SMOC2: variants seen among roughly 807,000 people sequenced by gnomAD.
SMOC2 encodes the protein SPARC related modular calcium binding 2.
Under a neutral mutation model 61.4 loss-of-function variants are expected in SMOC2, and 39 were observed. The observed-to-expected ratio is 0.64, with a 90% CI of 0.49 to 0.83. SMOC2 has a LOEUF of 0.83. Ranked by LOEUF, SMOC2 falls within the 40% of genes least tolerant of loss-of-function variation. SMOC2 has a pLI of 0.00. For missense variants in SMOC2, 556 were observed against 592.9 expected (o/e 0.94, Z 0.65); for synonymous variants, 247 against 239.9 (o/e 1.03, Z -0.27).
At chr6:168,653,547 G>A (rs1017877804) in intron 11 of SMOC2, among the ~76,000 whole-genome samples, 3 of 152,140 alleles carry the variant, frequency 2.0e-5, no homozygotes, top group Admixed American at 6.5e-5. Flanking sequence ...GCAAACCTGG[G>A]AACCACTGGA....
chr6:168,538,349 TGGG>T (rs1207541901), intron 4 of SMOC2, among the ~76,000 whole-genome samples: 1 of 48,430 alleles, frequency 2.1e-5, no homozygotes, highest in East Asian at 6.9e-4. Flanking sequence ...TGCTGGAATG[TGGG>T]GAGTGGGGTG....
At chr6:168,469,815 C>G (rs954768718) in intron 1 of SMOC2, among the ~76,000 whole-genome samples, 2 of 152,198 alleles carry the variant, frequency 1.3e-5, no homozygotes, top group African/African-American at 4.8e-5. Context: ...GTTAGGAGTG[C>G]TCCCTCACTG....
At position 168,650,718 on chromosome 6, in the gene SMOC2, C is replaced by T. The variant is rs202245053; in HGVS notation, c.945C>T (p.Ser315=). The change falls in exon 10 of 13, where the codon AGC becomes AGT. Residue 315 remains serine (S), a synonymous_variant. Transcript: ENST00000356284. ...CCAAAAAGCATGAGTTTCTGACCAG[C>T]GTTCTGGACGCGCTGTCCACGGACA... The part of the protein sequence containing the change: ...PGAKKHEFLT[S]VLDALSTDMV... The T allele has an allele frequency of 4.6e-4, 742 of 1,613,690 alleles. 2 individuals are homozygous for T. The highest frequency in any genetic ancestry group is 6.7e-5 in the Admixed American group (4 of 60,020).
chr6:168,567,936 T>C (rs1784579642), intron 7 of SMOC2, among the ~76,000 whole-genome samples: 1 of 151,252 alleles, frequency 6.6e-6, no homozygotes, highest in Non-Finnish European at 1.5e-5. Context: ...GTGTCTCATA[T>C]TAGAATTTAG....
chr6:168,568,984 G>T (rs1300950917), intron 7 of SMOC2, among the ~76,000 whole-genome samples: 6 of 152,132 alleles, frequency 3.9e-5, no homozygotes, highest in African/African-American at 1.4e-4. Flanking sequence ...CCCAATTTTT[G>T]ACAATTATGA....
chr6:168,620,521 G>A (rs1786215917), intron 9 of SMOC2, among the ~76,000 whole-genome samples: 1 of 152,104 alleles, frequency 6.6e-6, no homozygotes, highest in African/African-American at 2.4e-5. Flanking sequence ...TTGGGAAAAT[G>A]GAGACTGATA....
At chr6:168,630,856 G>A (rs1786548444) in intron 9 of SMOC2, among the ~76,000 whole-genome samples, 1 of 152,148 alleles carries the variant, frequency 6.6e-6, no homozygotes. Context: ...GTGCTCCCAG[G>A]CTTATTAGGA....
intron 1 of SMOC2, among the ~76,000 whole-genome samples, chr6:168,488,065 G>A (rs1562552125): frequency 6.6e-6 from 1 of 152,182 alleles, no homozygotes; most frequent in Non-Finnish European, 1.5e-5. Context: ...AGTCGTTCTA[G>A]GGGCTGCCCT....
chr6:168,499,409 T>TAGC (rs1484843902), intron 1 of SMOC2, among the ~76,000 whole-genome samples: 1 of 152,248 alleles, frequency 6.6e-6, no homozygotes, highest in African/African-American at 2.4e-5. Flanking sequence ...ACTCCCCAGG[T>TAGC]AGCATGTTTG....
intron 11 of SMOC2, chr6:168,655,372 G>T (rs1389454221): frequency 4.4e-6 from 2 of 454,188 alleles, no homozygotes; most frequent in Non-Finnish European, 8.8e-6. Flanking sequence ...TTTTTTGTGG[G>T]CCTGGCCTAC....
At position 168,453,274 on chromosome 6, in the gene SMOC2, G is replaced by C. The variant is rs921576218; in HGVS notation, c.84+11820G>C. Among the ~76,000 whole-genome samples, 1 of 152,186 alleles carries C rather than the reference G, an allele frequency of 6.6e-6. No individual in the cohort carries two copies. The highest frequency in any genetic ancestry group is 1.5e-5 in the Non-Finnish European group (1 of 68,032). On this transcript the variant is annotated intron_variant, in intron 1 of 12. Coordinates refer to ENST00000356284, the MANE Select transcript of SMOC2 (RefSeq NM_001166412.2). The surrounding 1 kb of genome is among the most constrained non-coding windows in gnomAD (Gnocchi z 4.4). ...CAAGAGGGTGTGGGGCAGCCAGGGG[G>C]TGTGGTGGCCTCAAGGCTCCGTCAC...
chr6:168,528,363 C>T (rs1783505775), intron 4 of SMOC2, among the ~76,000 whole-genome samples: 1 of 149,390 alleles, frequency 6.7e-6, no homozygotes, highest in Non-Finnish European at 1.5e-5. Flanking sequence ...GTGGGGGAGA[C>T]TTATCAGACC....
intron 2 of SMOC2, among the ~76,000 whole-genome samples, chr6:168,525,384 C>T (rs933043921): frequency 1.3e-5 from 2 of 152,174 alleles, no homozygotes; most frequent in Non-Finnish European, 2.9e-5. Flanking sequence ...AGTAAGCAAC[C>T]GACTTTGTGG....
intron 7 of SMOC2, among the ~76,000 whole-genome samples, chr6:168,565,071 A>G (rs1784512874): frequency 6.6e-6 from 1 of 152,250 alleles, no homozygotes; most frequent in African/African-American, 2.4e-5. Context: ...ACCGAAAATT[A>G]TTCCTTATTT....
intron 7 of SMOC2, among the ~76,000 whole-genome samples, chr6:168,559,640 T>G (rs1784348440): frequency 6.6e-6 from 1 of 152,096 alleles, no homozygotes; most frequent in Admixed American, 6.6e-5. Flanking sequence ...TGCACTAAGA[T>G]AAGAATTCAT....
At chr6:168,604,031 G>A (rs988258315) in intron 8 of SMOC2, among the ~76,000 whole-genome samples, 1 of 152,250 alleles carries the variant, frequency 6.6e-6, no homozygotes, top group African/African-American at 2.4e-5. Context: ...AGTGGAGCAG[G>A]CTCAGCCTCC....
At chr6:168,659,489 A>G (rs72503842) in intron 11 of SMOC2, among the ~76,000 whole-genome samples, 244 of 8,782 alleles carry the variant, frequency 0.028, no homozygotes, top group South Asian at 0.048. Context: ...TGAGGGTGGA[A>G]GTTATAGTAT....
chr6:168,646,761 C>T (rs1787043455), intron 9 of SMOC2, among the ~76,000 whole-genome samples: 3 of 152,252 alleles, frequency 2.0e-5, no homozygotes, highest in African/African-American at 7.2e-5. Context: ...GGGCTCAGGG[C>T]TTTGTAAGGT....
chr6:168,447,904 T>G (rs1781365834), intron 1 of SMOC2, among the ~76,000 whole-genome samples: 1 of 151,970 alleles, frequency 6.6e-6, no homozygotes. Context: ...TATCTCTTAC[T>G]CTGTTCAGTG....
Sources: allele counts gnomAD v4.1 joint callset (sites outside exome capture counted in the v4.1 genomes callset), GRCh38; gene constraint gnomAD v4.1.1; non-coding constraint Gnocchi (gnomAD v3.1); transcripts MANE v1.5; gene names NCBI Gene and HGNC (gene_info 2026-07-23, HGNC 2026-07-21).